Variants in TCEA1 observed in about 807,000 individuals in gnomAD.
The protein encoded by TCEA1 is transcription elongation factor A protein 1.
Under a neutral mutation model 43.8 loss-of-function variants are expected in TCEA1, and 21 were observed. The observed-to-expected ratio is 0.48, with a 90% CI of 0.34 to 0.69. The LOEUF (loss-of-function observed/expected upper bound fraction) is 0.69. TCEA1 is among the 30% of genes least tolerant of loss of function. The pLI is 0.01. For missense variants in TCEA1, 250 were observed against 365.1 expected (o/e 0.68, Z 2.57); for synonymous variants, 104 against 117.5 (o/e 0.88, Z 0.75).
At chr8:53,973,291 A>G (rs960781680) in intron 8 of TCEA1, 31 of 513,528 alleles carry the variant, frequency 6.0e-5, no homozygotes, top group Non-Finnish European at 1.0e-4. Context: ...CAGGTCTTAA[A>G]GAAAGTGCAA....
intron 6 of TCEA1, among the ~76,000 whole-genome samples, 198 bp from the exon 7 acceptor site, chr8:53,984,715 C>G (rs981142860): frequency 1.3e-5 from 2 of 151,812 alleles, no homozygotes; most frequent in Admixed American, 6.6e-5. Flanking sequence ...AACCCCGTCT[C>G]TATTAAAAAC....
At chr8:53,983,290 C>T (rs1392238021) in intron 7 of TCEA1, among the ~76,000 whole-genome samples, 2 of 152,114 alleles carry the variant, frequency 1.3e-5, no homozygotes, top group Non-Finnish European at 2.9e-5. Context: ...TTGTGTGACT[C>T]GTGTGTCACT....
intron 8 of TCEA1, among the ~76,000 whole-genome samples, chr8:53,978,234 G>A (rs939735481): frequency 4.6e-5 from 7 of 151,638 alleles, no homozygotes; most frequent in Admixed American, 2.0e-4. Context: ...CCCCATCTCC[G>A]CAAAAAAATA....
intron 3 of TCEA1, among the ~76,000 whole-genome samples, chr8:53,994,143 G>A (rs1803971056): frequency 6.6e-6 from 1 of 152,164 alleles, no homozygotes; most frequent in African/African-American, 2.4e-5. Flanking sequence ...TCATGAGTTT[G>A]AGACCAGCCT....
chr8:54,003,679 A>G (rs1804346592), intron 2 of TCEA1, among the ~76,000 whole-genome samples: 1 of 152,200 alleles, frequency 6.6e-6, no homozygotes, highest in African/African-American at 2.4e-5. Context: ...TCCTTATACC[A>G]CACATAAAAA....
At chr8:53,973,254 A>G (rs1374343179) in intron 8 of TCEA1, 3 of 482,656 alleles carry the variant, frequency 6.2e-6, no homozygotes, top group Non-Finnish European at 1.2e-5. Flanking sequence ...AAAGAAAATG[A>G]TATGGAAATG....
intron 2 of TCEA1, among the ~76,000 whole-genome samples, chr8:54,006,060 C>T (rs73679588): frequency 0.13 from 19,810 of 152,200 alleles, 3,403 homozygotes; most frequent in African/African-American, 0.4. Flanking sequence ...TAGTCATCTT[C>T]TGAGATGTAG....
At chr8:54,014,819 T>C (rs908796655) in intron 1 of TCEA1, among the ~76,000 whole-genome samples, 1 of 152,224 alleles carries the variant, frequency 6.6e-6, no homozygotes, top group Non-Finnish European at 1.5e-5. Flanking sequence ...TGCTCTGACA[T>C]TTGCTAACTA....
At chr8:54,020,964 G>C (rs1395601665) in intron 1 of TCEA1, among the ~76,000 whole-genome samples, 2 of 152,110 alleles carry the variant, frequency 1.3e-5, no homozygotes, top group African/African-American at 4.8e-5. Flanking sequence ...GAGGTGGGCG[G>C]ATCACCTGAG....
rs1288459076 is a variant in TCEA1 at position 53,979,141 on chromosome 8, G to A, written c.709C>T (p.Arg237Trp). The A allele has an allele frequency of 5.6e-6, 9 of 1,613,548 alleles. No homozygotes were observed. Among genetic ancestry groups the A allele is most frequent in the South Asian group, 1.1e-5 (1 of 91,048 alleles). Residue 237 changes from arginine to tryptophan, a missense_variant, in exon 8 of 10, where the codon CGG (arginine) becomes TGG (tryptophan). This residue lies in a region of TCEA1 where 46 missense variants were observed against 109.8 expected (regional missense o/e 0.42). Transcript: ENST00000521604. ...ATGGCTTCTTTGGTCAAGTTTTTCC[G>A]CATCTCTTTCAGCTCATCACTAGCC... ...EMASDELKEM[R>W]KNLTKEAIRE...
chr8:53,985,709 C>T (rs1267671438), intron 6 of TCEA1, among the ~76,000 whole-genome samples: 1 of 152,156 alleles, frequency 6.6e-6, no homozygotes, highest in Non-Finnish European at 1.5e-5. Flanking sequence ...ATGCTCCCTG[C>T]CCCTACTCAC....
intron 8 of TCEA1, among the ~76,000 whole-genome samples, chr8:53,974,427 T>A (rs1436880361): frequency 6.6e-6 from 1 of 151,548 alleles, no homozygotes; most frequent in African/African-American, 2.4e-5. Flanking sequence ...TTAAATCAAA[T>A]TACCTGAATT....
rs185355587 is a variant in TCEA1, at chr8:54,020,904, A to G, written c.63+1159T>C. 4.1e-3 allele frequency among the ~76,000 whole-genome samples: 625 copies of G among 152,302 alleles called. 2 individuals carry two copies. The highest frequency in any genetic ancestry group is 6.8e-3 in the Middle Eastern group (2 of 294). Reference sequence around the variant, plus strand: ...GGACAATTATATAAGTTTACCTGAGAGGCCAGGCGCAGTGGCCTCACGCCT... The same window carrying G: ...GGACAATTATATAAGTTTACCTGAGGGGCCAGGCGCAGTGGCCTCACGCCT... On this transcript the variant is annotated intron_variant, in intron 1 of 9. Coordinates refer to ENST00000521604, the MANE Select transcript of TCEA1 (RefSeq NM_006756.4).
intron 2 of TCEA1, among the ~76,000 whole-genome samples, chr8:54,008,423 G>A (rs1259429653): frequency 6.6e-6 from 1 of 151,932 alleles, no homozygotes; most frequent in African/African-American, 2.4e-5. Context: ...AGCACTTTGG[G>A]AGACCAAGGC....
intron 7 of TCEA1, among the ~76,000 whole-genome samples, chr8:53,982,613 CAAAAAAA>C (rs558788906): frequency 3.6e-4 from 21 of 57,804 alleles, no homozygotes; most frequent in South Asian, 1.9e-3. Context: ...CATTCCCCAC[CAAAAAAA>C]AAAAAAAAAA....
intron 3 of TCEA1, among the ~76,000 whole-genome samples, chr8:53,998,135 G>T (rs955958035): frequency 2.0e-5 from 3 of 152,144 alleles, no homozygotes; most frequent in Non-Finnish European, 4.4e-5. Flanking sequence ...ATTAATGATG[G>T]TTACATGAAT....
chr8:53,975,883 G>A (rs1156469245), intron 8 of TCEA1, among the ~76,000 whole-genome samples: 2 of 151,938 alleles, frequency 1.3e-5, no homozygotes, highest in Non-Finnish European at 1.5e-5. Flanking sequence ...GAAATTTTAG[G>A]TTACATATAA....
intron 1 of TCEA1, among the ~76,000 whole-genome samples, chr8:54,014,436 C>T (rs1804755895): frequency 6.6e-6 from 1 of 152,022 alleles, no homozygotes; most frequent in Non-Finnish European, 1.5e-5. Context: ...AGAATGAGAT[C>T]CCACCTCTAT....
At chr8:53,999,655 A>C (rs1804189628) in intron 3 of TCEA1, 1 of 319,266 alleles carries the variant, frequency 3.1e-6, no homozygotes, top group East Asian at 4.8e-5. Context: ...AATTTCAAAA[A>C]CCATTTCAAA....
Sources: allele counts gnomAD v4.1 joint callset (sites outside exome capture counted in the v4.1 genomes callset), GRCh38; gene constraint gnomAD v4.1.1; regional missense constraint gnomAD v4.1.1; transcripts MANE v1.5; gene names NCBI Gene and HGNC (gene_info 2026-07-23, HGNC 2026-07-21).